Variants in MTX2 observed in about 807,000 individuals in gnomAD.
MTX2 encodes the protein metaxin 2.
MTX2 carries 35 observed loss-of-function variants against 42.3 expected under a neutral mutation model. The ratio of observed to expected loss-of-function variants is 0.83; its 90% CI spans 0.63 to 1.10. The LOEUF (loss-of-function observed/expected upper bound fraction) is 1.10. Ranked by LOEUF, MTX2 falls within the 50% of genes least tolerant of loss-of-function variation. The probability of loss-of-function intolerance (pLI) is 0.00; values close to 1 mark genes in which losing one functional copy is unlikely to be tolerated. For missense variants in MTX2, 307 were observed against 304.1 expected (o/e 1.01, Z -0.07); for synonymous variants, 119 against 100.9 (o/e 1.18, Z -1.08).
At position 176,337,667 on chromosome 2, in the gene MTX2, TTA is replaced by T. The variant is rs1685029093; in HGVS notation, c.*5_*6del. On this transcript the variant is annotated 3_prime_UTR_variant, in exon 10 of 10. Coordinates refer to ENST00000249442, the MANE Select transcript of MTX2 (RefSeq NM_006554.5). ...GTGGTAAAGGCAGGCTGTCATAGAG[TTA>T]TGTGTTAGTCTCAGGAGTCTTAACT... is the stretch of plus-strand genomic sequence containing the variant. The T allele has an allele frequency of 6.3e-7, 1 of 1,594,390 alleles. No individual in the cohort carries two copies. Among genetic ancestry groups the T allele is most frequent in the Non-Finnish European group, 8.6e-7 (1 of 1,169,330 alleles).
chr2:176,297,929 C>G (rs200490935), intron 3 of MTX2, 34 bp downstream of exon 3: 18 of 1,489,442 alleles, frequency 1.2e-5, no homozygotes, highest in Middle Eastern at 3.5e-4. Context: ...TCTTTTTCAC[C>G]CCCTAGGTGG....
rs1218269331 is a variant in MTX2 at position 176,269,489 on chromosome 2, C to G, written c.-141C>G. The stretch of plus-strand genomic sequence containing the variant: ...AACCTTGGGGGCCTCACTGCAGCCG[C>G]CGCTGCTGTTGGAGTGGGCTTTGCG... On this transcript the variant is annotated 5_prime_UTR_variant, in exon 1 of 10. Transcript: ENST00000249442. The G allele has an allele frequency of 2.1e-6, 2 of 939,576 alleles. No individual in the cohort carries two copies. The highest frequency in any genetic ancestry group is 1.8e-5 in the South Asian group (1 of 54,668). 58.2% of individuals were successfully genotyped at this position (939,576 alleles called of 1,614,324 possible). A position where few individuals can be genotyped will look rare whatever the true frequency, so the allele number is the denominator to read the frequency against.
intron 1 of MTX2, among the ~76,000 whole-genome samples, chr2:176,293,754 T>C (rs1003511734): frequency 4.6e-5 from 7 of 152,196 alleles, no homozygotes; most frequent in African/African-American, 1.4e-4. Context: ...CTGTATAAAT[T>C]ACCCAGTCTC....
chr2:176,307,208 A>G (rs1320617546), intron 3 of MTX2, among the ~76,000 whole-genome samples: 1 of 152,200 alleles, frequency 6.6e-6, no homozygotes, highest in Admixed American at 6.5e-5. Flanking sequence ...GTCAAAGATC[A>G]GATGGTTGTA....
chr2:176,274,594 A>G (rs1027358349), intron 1 of MTX2, among the ~76,000 whole-genome samples: 2 of 152,136 alleles, frequency 1.3e-5, no homozygotes, highest in African/African-American at 4.8e-5. Context: ...ACACATGGCA[A>G]AGAATTGGCT....
chr2:176,320,197 G>C (rs548184941), intron 3 of MTX2, among the ~76,000 whole-genome samples: 4 of 152,102 alleles, frequency 2.6e-5, no homozygotes, highest in Non-Finnish European at 5.9e-5. Context: ...GCATTGAGCT[G>C]AGATTGTGCC....
At chr2:176,324,886 T>TTTTA (rs1460762729) in intron 4 of MTX2, among the ~76,000 whole-genome samples, 18 of 151,732 alleles carry the variant, frequency 1.2e-4, no homozygotes, top group African/African-American at 4.3e-4. Context: ...GGTATTCTCT[T>TTTTA]TCATTTAATG....
chr2:176,276,255 C>G (rs957213103), intron 1 of MTX2, among the ~76,000 whole-genome samples: 1 of 152,050 alleles, frequency 6.6e-6, no homozygotes, highest in Non-Finnish European at 1.5e-5. Context: ...AAGATATATA[C>G]ATTTGATATG....
intron 3 of MTX2, among the ~76,000 whole-genome samples, chr2:176,321,678 G>C (rs1424329960): frequency 6.6e-6 from 1 of 152,124 alleles, no homozygotes; most frequent in African/African-American, 2.4e-5. Context: ...GGAAAAAGAG[G>C]AGATACTTTC....
In MTX2 at chr2:176,326,915, A is replaced by ATT. The variant is rs1684720629; in HGVS notation, c.285+15_285+16dup. 2 of 1,412,848 alleles carry ATT rather than the reference A, an allele frequency of 1.4e-6. No homozygotes were observed. The highest frequency in any genetic ancestry group is 1.4e-5 in the African/African-American group (1 of 69,102). 87.5% of individuals were successfully genotyped at this position (1,412,848 alleles called of 1,614,324 possible). A position where few individuals can be genotyped will look rare whatever the true frequency, so the allele number is the denominator to read the frequency against. ...GTTAAAGCCAAGGTAATAAAAAGAT[A>ATT]TTAAATGTATTTGATCAGTTACCAA... On this transcript the variant is annotated intron_variant, in intron 5 of 9. Coordinates refer to ENST00000249442, the MANE Select transcript of MTX2 (RefSeq NM_006554.5).
chr2:176,310,072 C>A (rs1233610711), intron 3 of MTX2, among the ~76,000 whole-genome samples: 1 of 152,124 alleles, frequency 6.6e-6, no homozygotes, highest in African/African-American at 2.4e-5. Context: ...TTTAGTGCTT[C>A]CTTCAGGAGC....
At chr2:176,331,671 CT>C (rs1280714880) in intron 9 of MTX2, among the ~76,000 whole-genome samples, 1 of 151,114 alleles carries the variant, frequency 6.6e-6, no homozygotes, top group Non-Finnish European at 1.5e-5. Flanking sequence ...AGAATTCAAA[CT>C]GTGAAATTCT....
intron 1 of MTX2, 47 bp downstream of exon 1, chr2:176,269,716 G>A: frequency 6.4e-7 from 1 of 1,562,070 alleles, no homozygotes; most frequent in Non-Finnish European, 8.6e-7. Context: ...GCGGTCTCGG[G>A]GAGCCGCGTG....
At chr2:176,282,923 C>G (rs539887866) in intron 1 of MTX2, among the ~76,000 whole-genome samples, 18 of 152,144 alleles carry the variant, frequency 1.2e-4, no homozygotes, top group African/African-American at 4.1e-4. Context: ...AGGCTGGTCT[C>G]GAACTGCTGA....
intron 3 of MTX2, among the ~76,000 whole-genome samples, chr2:176,317,580 T>G (rs1451304355): frequency 2.0e-5 from 3 of 152,090 alleles, no homozygotes; most frequent in Non-Finnish European, 4.4e-5. Context: ...TATTGAGAGG[T>G]CATTTTTGTT....
At chr2:176,315,945 T>C (rs1684424247) in intron 3 of MTX2, among the ~76,000 whole-genome samples, 1 of 152,222 alleles carries the variant, frequency 6.6e-6, no homozygotes, top group African/African-American at 2.4e-5. Flanking sequence ...TTTGTATTTC[T>C]AAGTAGCAGG....
At chr2:176,311,426 T>A (rs892396329) in intron 3 of MTX2, among the ~76,000 whole-genome samples, 3 of 152,206 alleles carry the variant, frequency 2.0e-5, no homozygotes, top group African/African-American at 7.2e-5. Flanking sequence ...AGAACCACTG[T>A]TCTCTTCAGA....
intron 1 of MTX2, among the ~76,000 whole-genome samples, chr2:176,287,051 CTT>C (rs1260807431): frequency 6.6e-6 from 1 of 151,986 alleles, no homozygotes; most frequent in Non-Finnish European, 1.5e-5. Context: ...AGAATTAAGC[CTT>C]GTTATATGTA....
intron 1 of MTX2, among the ~76,000 whole-genome samples, chr2:176,272,209 A>G (rs1360951210): frequency 6.6e-6 from 1 of 152,190 alleles, no homozygotes; most frequent in Non-Finnish European, 1.5e-5. Context: ...TTGATCTCCT[A>G]GAAACAGAAT....
Sources: allele counts gnomAD v4.1 joint callset (sites outside exome capture counted in the v4.1 genomes callset), GRCh38; gene constraint gnomAD v4.1.1; transcripts MANE v1.5; gene names NCBI Gene and HGNC (gene_info 2026-07-23, HGNC 2026-07-21).